TTN: variants seen among roughly 807,000 people sequenced by gnomAD.
TTN encodes the protein titin.
TTN carries 1,525 observed loss-of-function variants against 3,223.0 expected under a neutral mutation model. The observed-to-expected ratio is 0.47, with a 90% CI of 0.45 to 0.49. TTN has a LOEUF of 0.49. Ranked by LOEUF, TTN falls within the 20% of genes least tolerant of loss-of-function variation. The pLI is 0.00. For missense variants in TTN, 40,786 were observed against 43,424.0 expected (o/e 0.94, Z 5.40); for synonymous variants, 14,094 against 15,161.0 (o/e 0.93, Z 5.17).
In TTN at chr2:178,773,491, A is replaced by G. The variant is rs1163155086; in HGVS notation, c.7565T>C (p.Val2522Ala). 1.2e-6 allele frequency: 2 copies of G among 1,614,000 alleles called. No individual in the cohort carries two copies. The highest frequency in any genetic ancestry group is 1.1e-5 in the South Asian group (1 of 91,080). ...EGPYKLIVGR[V>A]ETNCNLSVEK... ...TACAGAGAGATTACAGTTGGTTTCA[A>G]CTCTGCCAACTATCAGCTTGTAAGG... Residue 2522 changes from valine (V) to alanine (A), a missense_variant, in exon 32 of 363, where the codon GTT becomes GCT. Transcript: ENST00000589042.
rs1559491398 is a variant in TTN at position 178,579,782 on chromosome 2, C to T, written c.67415G>A (p.Trp22472Ter). The change falls in exon 319 of 363, where the codon TGG becomes TAG. Residue 22472 changes from tryptophan to a stop codon, truncating the protein, a stop_gained. Coordinates refer to ENST00000589042, the MANE Select transcript of TTN (RefSeq NM_001267550.2). LOFTEE classifies it high-confidence loss of function. ...TCCACCATCACTGTGAGGCTTTTTC[C>T]AGCCAATGCTACAGGATGACTTAGA... Reference protein sequence around the residue: ...SVSKSSCSIGWKKPHSDGGSR... With the variant: ...SVSKSSCSIG 1 of 1,613,244 alleles carries T rather than the reference C, an allele frequency of 6.2e-7. No individual in the cohort carries two copies.
In TTN at chr2:178,535,142, G is replaced by T; in HGVS notation, c.101473C>A (p.Leu33825Ile). Residue 33825 changes from leucine to isoleucine, a missense_variant, in exon 358 of 363, where the codon CTT (leucine) becomes ATT (isoleucine). By Grantham distance (5) the Leu-to-Ile change is conservative. Transcript: ENST00000589042. ...LYEKYMIAED[L>I]GRGEFGIVHR... ...ACAATTCCAAACTCACCACGCCCAAGATCTTCAGCAATCATATATTTCTCA... is the reference window on the plus strand; with the variant it reads ...ACAATTCCAAACTCACCACGCCCAATATCTTCAGCAATCATATATTTCTCA... The T allele has an allele frequency of 6.2e-7, 1 of 1,613,788 alleles. No homozygotes were observed. Among genetic ancestry groups the T allele is most frequent in the South Asian group, 1.1e-5 (1 of 91,082 alleles).
Position 178,599,687 on chromosome 2 carries a change from G to A in TTN, c.56214C>T (p.Val18738=). The A allele has an allele frequency of 6.2e-7, 1 of 1,613,058 alleles. No homozygotes were observed. ...AAGTATCATCTACCACCAGTTTGTT[G>A]ACATGGGTGTCATAGAGAACAGGTT... The part of the protein sequence containing the change: ...NKEPVLYDTH[V]NKLVVDDTCT... Residue 18738 remains valine (V), a synonymous_variant, in exon 289 of 363, where the codon GTC becomes GTT. Coordinates refer to ENST00000589042, the MANE Select transcript of TTN (RefSeq NM_001267550.2).
Position 178,780,011 on chromosome 2 carries a change from C to T in TTN, c.3718G>A (p.Val1240Ile). The T allele has an allele frequency of 1.9e-6, 3 of 1,612,500 alleles. No individual in the cohort carries two copies. The highest frequency in any genetic ancestry group is 2.5e-6 in the Non-Finnish European group (3 of 1,179,654). Residue 1240 changes from valine to isoleucine, a missense_variant, in exon 22 of 363, where the codon GTA becomes ATA. By Grantham distance (29) the Val-to-Ile change is conservative. Transcript: ENST00000589042. ...ACTTTTATACTCACCTGATCTTCTA[C>T]ATAAGTTCTGACCACTACAGTATCT... is the stretch of plus-strand genomic sequence containing the variant. ...AKDTVVVRTY[V>I]EDQEFHISSF...
intron 344 of TTN, 125 bp downstream of exon 344, chr2:178,545,262 CA>C: frequency 1.2e-6 from 1 of 810,174 alleles, no homozygotes; most frequent in Non-Finnish European, 1.7e-6. Context: ...TATGATCATG[CA>C]AATAAGCATG....
In TTN at chr2:178,535,930, C is replaced by T. The variant is rs1691279357; in HGVS notation, c.100765+52G>A. 14 of 1,515,218 alleles carry T rather than the reference C, an allele frequency of 9.2e-6. No individual in the cohort carries two copies. The South Asian group carries it at 1.6e-4, about 18-fold the overall frequency. 93.9% of individuals were successfully genotyped at this position (1,515,218 alleles called of 1,614,324 possible). A position where few individuals can be genotyped will look rare whatever the true frequency, so the allele number is the denominator to read the frequency against. On this transcript the variant is annotated intron_variant, in intron 357 of 362. Coordinates refer to ENST00000589042, the MANE Select transcript of TTN (RefSeq NM_001267550.2). ...GTTTAAGTGCAATAGCCTCCACCCC[C>T]AAGTTAATAACTCATTTAGCCTCAA...
In TTN at chr2:178,539,905, G is replaced by A. The variant is rs749776301; in HGVS notation, c.98160C>T (p.Gly32720=). 1.8e-5 allele frequency: 29 copies of A among 1,613,572 alleles called. No homozygotes were observed. The highest frequency in any genetic ancestry group is 5.3e-5 in the African/African-American group (4 of 74,846). Residue 32720 remains glycine, a synonymous_variant, in exon 352 of 363, where the codon GGC becomes GGT. Coordinates refer to ENST00000589042, the MANE Select transcript of TTN (RefSeq NM_001267550.2). ...YQEGIFVRQG[G]VIRLTIPIKG... is the part of the protein sequence containing the mutation. The stretch of plus-strand genomic sequence containing the variant: ...TGATTGGTATGGTAAGTCTGATGAC[G>A]CCACCTTGCCTTACAAAGATACCTT...
intron 156 of TTN, 74 bp downstream of exon 156, chr2:178,671,016 A>T: frequency 9.0e-7 from 1 of 1,115,138 alleles, no homozygotes; most frequent in Non-Finnish European, 1.3e-6. Flanking sequence ...AGTGGAATGC[A>T]AACTTGTGCT....
chr2:178,618,666 C>T lies in TTN; in HGVS notation c.46884G>A (p.Lys15628=), dbSNP rs760251812. ...TTTTATACCTCCCTTTGTCTCCTTTCTTGGCTTCTAAAATTCTGAAAGAAG... is the reference window on the plus strand; with the variant it reads ...TTTTATACCTCCCTTTGTCTCCTTTTTTGGCTTCTAAAATTCTGAAAGAAG... The part of the protein sequence containing the change: ...EQTSFRILEA[K]KGDKGRYKIV... The change falls in exon 251 of 363, where the codon AAG becomes AAA. Residue 15628 remains lysine, a synonymous_variant. Transcript: ENST00000589042. 11 of 1,612,198 alleles carry T rather than the reference C, an allele frequency of 6.8e-6. No homozygotes were observed. In the African/African-American group the frequency reaches 1.5e-4, roughly 22 times the overall value.
At position 178,549,372 on chromosome 2, in the gene TTN, G is replaced by T. The variant is rs1466048751; in HGVS notation, c.92254C>A (p.Gln30752Lys). ...RPESDGGSEI[Q>K]QYILERREKK... is the part of the protein sequence containing the mutation. ...TCTCTTCTTTCAAGGATATACTGTT[G>T]AATTTCACTGCCACCATCTGATTCT... The change falls in exon 339 of 363, where the codon CAA (glutamine) becomes AAA (lysine). Residue 30752 changes from glutamine to lysine, a missense_variant. Coordinates refer to ENST00000589042, the MANE Select transcript of TTN (RefSeq NM_001267550.2). 6.2e-7 allele frequency: 1 copy of T among 1,613,772 alleles called. No individual in the cohort carries two copies. The highest frequency in any genetic ancestry group is 8.5e-7 in the Non-Finnish European group (1 of 1,179,776).
In TTN at chr2:178,702,077, A is replaced by C; in HGVS notation, c.30512-11T>G. ...GCTCAAGTTTGATTTCTGCAAAATA[A>C]AAAAAAAATGATATTTTTGTGTTCA... On this transcript the variant is annotated splice_polypyrimidine_tract_variant and intron_variant, in intron 108 of 362. Coordinates refer to ENST00000589042, the MANE Select transcript of TTN (RefSeq NM_001267550.2). 2 of 1,608,154 alleles carry C rather than the reference A, an allele frequency of 1.2e-6. No homozygotes were observed. The highest frequency in any genetic ancestry group is 1.7e-6 in the Non-Finnish European group (2 of 1,176,438).
Position 178,548,670 on chromosome 2 carries a change from A to G in TTN, c.92956T>C (p.Cys30986Arg). Residue 30986 changes from cysteine to arginine, a missense_variant, in exon 339 of 363, where the codon TGC becomes CGC. Physicochemically the swap from Cys to Arg is radical, Grantham distance 180. Transcript: ENST00000589042. This position sits in a 1 kb window ranked among gnomAD's most constrained non-coding sequence, Gnocchi z 4.3. ...TATTTCCCTGCATCATTTCTGTTGCAGTTTTCCACAGTGAGGGTGCTGAAG... is the reference window on the plus strand; with the variant it reads ...TATTTCCCTGCATCATTTCTGTTGCGGTTTTCCACAGTGAGGGTGCTGAAG... ...DSFSTLTVEN[C>R]NRNDAGKYTL... is the part of the protein sequence containing the mutation. 1 of 1,613,856 alleles carries G rather than the reference A, an allele frequency of 6.2e-7. No individual in the cohort carries two copies. Among genetic ancestry groups the G allele is most frequent in the Non-Finnish European group, 8.5e-7 (1 of 1,179,784 alleles).
chr2:178,625,664 C>T (rs1443094811), intron 240 of TTN, among the ~76,000 whole-genome samples: 1 of 151,900 alleles, frequency 6.6e-6, no homozygotes, highest in African/African-American at 2.4e-5. Context: ...TGCTGGTGCC[C>T]TGCACCCACT....
At chr2:178,751,325 C>T in intron 47 of TTN, 1 of 1,610,266 alleles carries the variant, frequency 6.2e-7, no homozygotes, top group Non-Finnish European at 8.5e-7. Flanking sequence ...GTCCAGGAAA[C>T]TTTCACCTAC....
In TTN at chr2:178,568,677, C is replaced by A. The variant is rs764950661; in HGVS notation, c.77455G>T (p.Val25819Leu). ...VQVGQDLKIE[V>L]PISGRPKPTI... ...GGCTTAGGACGTCCAGAAATTGGCA[C>A]TTCTATTTTCAAATCTTGGCCAACC... Residue 25819 changes from valine to leucine, a missense_variant, in exon 326 of 363, where the codon GTG becomes TTG. Val to Leu is a conservative substitution (Grantham distance 32, BLOSUM62 1). Coordinates refer to ENST00000589042, the MANE Select transcript of TTN (RefSeq NM_001267550.2). The A allele has an allele frequency of 6.2e-7, 1 of 1,613,204 alleles. No individual in the cohort carries two copies. The highest frequency in any genetic ancestry group is 1.7e-5 in the Admixed American group (1 of 59,944).
At position 178,589,563 on chromosome 2, in the gene TTN, C is replaced by G. The variant is rs1656930545; in HGVS notation, c.62162G>C (p.Gly20721Ala). Residue 20721 changes from glycine to alanine, a missense_variant, in exon 304 of 363, where the codon GGA becomes GCA. Physicochemically the swap from Gly to Ala is moderately conservative, Grantham distance 60 (BLOSUM62 0). Transcript: ENST00000589042. ...CATGTAGTGAGTTTCTTTAATGCTT[C>G]CTTTATGCACTCTTTCCCAGTCATC... ...GSDDWERVHKGSIKETHYMVD... is the reference protein window; with the variant it reads ...GSDDWERVHKASIKETHYMVD... 1 of 1,613,178 alleles carries G rather than the reference C, an allele frequency of 6.2e-7. No homozygotes were observed.
rs1443062175 is a variant in TTN, at chr2:178,567,147, T to C, written c.78985A>G (p.Thr26329Ala). ...ACAACAGTCCAGGCAAGTCGACTGG[T>C]TTCTCGCTTTTCAACAACATAGTGA... ...ISHYVVEKRE[T>A]SRLAWTVVAS... Residue 26329 changes from threonine (T) to alanine (A), a missense_variant, in exon 326 of 363, where the codon ACC (threonine) becomes GCC (alanine). Thr to Ala is a moderately conservative substitution (Grantham distance 58). Transcript: ENST00000589042. 1.2e-6 allele frequency: 2 copies of C among 1,613,440 alleles called. No individual in the cohort carries two copies. Among genetic ancestry groups the C allele is most frequent in the Non-Finnish European group, 1.7e-6 (2 of 1,179,590 alleles).
At position 178,719,370 on chromosome 2, in the gene TTN, C is replaced by T. The variant is rs765789516; in HGVS notation, c.24020G>A (p.Arg8007Gln). 5.0e-5 allele frequency: 80 copies of T among 1,613,742 alleles called. 1 individual carries two copies. In the South Asian group the frequency reaches 5.3e-4, roughly 11 times the overall value. ...ILGASVVLEC[R>Q]VSGSAPISVG... Reference sequence around the variant, plus strand: ...TGAAATCGGGGCTGAGCCAGAGACTCGGCACTCCAAAACAACTGAGGCCCC... The same window carrying T: ...TGAAATCGGGGCTGAGCCAGAGACTTGGCACTCCAAAACAACTGAGGCCCC... Residue 8007 changes from arginine to glutamine, a missense_variant, in exon 83 of 363, where the codon CGA becomes CAA. Arg to Gln is a conservative substitution (Grantham distance 43). Coordinates refer to ENST00000589042, the MANE Select transcript of TTN (RefSeq NM_001267550.2).
rs763012497 is a variant in TTN at position 178,764,752 on chromosome 2, G to T, written c.9763C>A (p.Pro3255Thr). 4 of 1,613,996 alleles carry T rather than the reference G, an allele frequency of 2.5e-6. No individual in the cohort carries two copies. Among genetic ancestry groups the T allele is most frequent in the South Asian group, 1.1e-5 (1 of 91,076 alleles). Residue 3255 changes from proline (P) to threonine (T), a missense_variant, in exon 42 of 363, where the codon CCT (proline) becomes ACT (threonine). Physicochemically the swap from Pro to Thr is conservative, Grantham distance 38. Transcript: ENST00000589042. ...LQPVTVQSGK[P>T]ARFCAVISGR... ...GATATCACGGCACAGAAGCGGGCAG[G>T]CTTGCCAGACTGCACAGTGACAGGC...
Sources: allele counts gnomAD v4.1 joint callset (sites outside exome capture counted in the v4.1 genomes callset), GRCh38; gene constraint gnomAD v4.1.1; non-coding constraint Gnocchi (gnomAD v3.1); transcripts MANE v1.5; gene names NCBI Gene and HGNC (gene_info 2026-07-23, HGNC 2026-07-21).